The following WSCD2 variants were observed in gnomAD, a reference collection of about 807,000 sequenced individuals.
WSCD2 encodes the protein WSC domain sialate O sulfotransferase 2, also known as sialate:O-sulfotransferase 2.
Under a neutral mutation model 55.7 loss-of-function variants are expected in WSCD2, and 28 were observed. The ratio of observed to expected loss-of-function variants is 0.50; its 90% CI spans 0.37 to 0.69. The LOEUF (loss-of-function observed/expected upper bound fraction) is 0.69. Ranked by LOEUF, WSCD2 falls within the 30% of genes least tolerant of loss-of-function variation. The pLI, the probability that WSCD2 is intolerant of heterozygous loss-of-function variation, is 0.00. For synonymous variants in WSCD2, 301 were observed against 301.9 expected, an observed-to-expected ratio of 1.00 and a Z score of 0.03; for missense variants, 616 against 762.1, an observed-to-expected ratio of 0.81 and a Z score of 2.26.
At chr12:108,245,299 A>G (rs1890008437) in intron 8 of WSCD2, among the ~76,000 whole-genome samples, 1 of 151,816 alleles carries the variant, frequency 6.6e-6, no homozygotes. Flanking sequence ...AAGAATTCCT[A>G]CTCTCTAGGC....
intron 1 of WSCD2, among the ~76,000 whole-genome samples, chr12:108,168,177 C>A (rs898205349): frequency 6.6e-6 from 1 of 152,132 alleles, no homozygotes; most frequent in Non-Finnish European, 1.5e-5. Flanking sequence ...GCCTGGAAGC[C>A]GTAGCTATTT....
chr12:108,152,608 C>T (rs1356664217), intron 1 of WSCD2, among the ~76,000 whole-genome samples: 1 of 152,156 alleles, frequency 6.6e-6, no homozygotes, highest in Non-Finnish European at 1.5e-5. Context: ...CAGGAATTAA[C>T]CGGGGCCATC....
chr12:108,176,868 A>T (rs1486629680), intron 1 of WSCD2, among the ~76,000 whole-genome samples: 4 of 151,148 alleles, frequency 2.6e-5, no homozygotes, highest in African/African-American at 7.3e-5. Context: ...GAATTTAAAA[A>T]CCTCCTGTCT....
chr12:108,201,321 A>C (rs1884641341), intron 2 of WSCD2, among the ~76,000 whole-genome samples: 2 of 152,016 alleles, frequency 1.3e-5, no homozygotes, highest in African/African-American at 2.4e-5. Flanking sequence ...CCATTTTCAC[A>C]TGACCATCTC....
At chr12:108,177,033 T>C (rs1565936332) in intron 1 of WSCD2, among the ~76,000 whole-genome samples, 1 of 152,102 alleles carries the variant, frequency 6.6e-6, no homozygotes, top group African/African-American at 2.4e-5. Context: ...AGGCAGCTGA[T>C]GTCAGTAGTT....
At chr12:108,213,430 T>C (rs1341360387) in intron 4 of WSCD2, among the ~76,000 whole-genome samples, 2 of 152,156 alleles carry the variant, frequency 1.3e-5, no homozygotes, top group African/African-American at 4.8e-5. Context: ...GCAAAGGTCA[T>C]GTGTTGAATG....
At chr12:108,225,017 C>T (rs1255704707) in intron 5 of WSCD2, among the ~76,000 whole-genome samples, 157 bp downstream of exon 5, 4 of 152,156 alleles carry the variant, frequency 2.6e-5, no homozygotes, top group African/African-American at 7.2e-5. Flanking sequence ...GACCATTTCA[C>T]GTGGATCTAA....
chr12:108,241,862 G>C (rs998058349), intron 8 of WSCD2, among the ~76,000 whole-genome samples: 1 of 152,196 alleles, frequency 6.6e-6, no homozygotes, highest in Non-Finnish European at 1.5e-5. Flanking sequence ...GCAGTATTTT[G>C]TATATTAATT....
intron 4 of WSCD2, among the ~76,000 whole-genome samples, chr12:108,219,773 A>C (rs1215280675): frequency 1.3e-5 from 2 of 152,236 alleles, no homozygotes; most frequent in Non-Finnish European, 2.9e-5. Flanking sequence ...GGACAACCCC[A>C]AAGGGGCCTC....
At position 108,224,868 on chromosome 12, in the gene WSCD2, C is replaced by T. The variant is rs1887905605; in HGVS notation, c.804+8C>T. 7 of 1,611,912 alleles carry T rather than the reference C, an allele frequency of 4.3e-6. No individual in the cohort carries two copies. Among genetic ancestry groups the T allele is most frequent in the Non-Finnish European group, 5.9e-6 (7 of 1,179,720 alleles). ...GACTTCTGCACTGAGAAGGTGAGCA[C>T]AAGGTGGGGCCCATGGAACTCAGGG... On this transcript the variant is annotated splice_region_variant and intron_variant, in intron 5 of 8. Coordinates refer to ENST00000547525, the MANE Select transcript of WSCD2 (RefSeq NM_014653.4).
chr12:108,196,460 T>A (rs1037402763), intron 2 of WSCD2: 1 of 522,432 alleles, frequency 1.9e-6, no homozygotes, highest in African/African-American at 1.9e-5. Context: ...GAACTCCACA[T>A]CTATCAGAGG....
At chr12:108,234,901 T>C (rs1315727173) in intron 7 of WSCD2, among the ~76,000 whole-genome samples, 4 of 152,186 alleles carry the variant, frequency 2.6e-5, no homozygotes, top group South Asian at 2.1e-4. Context: ...TAAGAAAGAT[T>C]CTGAGGTTCT....
chr12:108,242,419 T>C (rs1565998561), intron 8 of WSCD2, among the ~76,000 whole-genome samples: 1 of 152,162 alleles, frequency 6.6e-6, no homozygotes, highest in Non-Finnish European at 1.5e-5. Context: ...GATATCCATA[T>C]GTGCAAATGG....
chr12:108,248,012 A>G lies in WSCD2; in HGVS notation c.1367A>G (p.Asn456Ser), dbSNP rs773906293. The part of the protein sequence containing the change: ...KGKEWPEFVR[N>S]YAPWWATHTL... Reference sequence around the variant, plus strand: ...GCAGAGTGGCCAGAGTTCGTGAGGAACTATGCCCCGTGGTGGGCCACTCAC... The same window carrying G: ...GCAGAGTGGCCAGAGTTCGTGAGGAGCTATGCCCCGTGGTGGGCCACTCAC... Residue 456 changes from asparagine (N) to serine (S), a missense_variant, in exon 9 of 9, where the codon AAC becomes AGC. Transcript: ENST00000547525. This position sits in a 1 kb window ranked among gnomAD's most constrained non-coding sequence, Gnocchi z 4.3. 1.9e-6 allele frequency: 3 copies of G among 1,613,872 alleles called. No homozygotes were observed. The highest frequency in any genetic ancestry group is 2.2e-5 in the East Asian group (1 of 44,860).
At chr12:108,239,609 G>A (rs1426965311) in intron 7 of WSCD2, among the ~76,000 whole-genome samples, 1 of 152,168 alleles carries the variant, frequency 6.6e-6, no homozygotes, top group Non-Finnish European at 1.5e-5. Context: ...GAAGTCACAT[G>A]GCCATGCCCA....
intron 1 of WSCD2, among the ~76,000 whole-genome samples, chr12:108,164,160 T>TTTTTTTTTTTTTTTTTTTTG (rs1412057706): frequency 6.8e-6 from 1 of 146,078 alleles, no homozygotes; most frequent in Admixed American, 6.9e-5. Flanking sequence ...TTTTTTTTTT[T>TTTTTTTTTTTTTTTTTTTTG]TTCAGAGAGG....
chr12:108,182,164 C>T (rs1881859356), intron 1 of WSCD2, among the ~76,000 whole-genome samples: 1 of 152,230 alleles, frequency 6.6e-6, no homozygotes, highest in African/African-American at 2.4e-5. Flanking sequence ...CAAGAGGTAA[C>T]ATCTTTCTGT....
chr12:108,152,824 C>G (rs115992901), intron 1 of WSCD2, among the ~76,000 whole-genome samples: 8,183 of 152,286 alleles, frequency 0.054, 263 homozygotes, highest in Non-Finnish European at 0.075. Flanking sequence ...TTTGGCTGGG[C>G]ATGATGGCTC....
At chr12:108,131,168 G>A (rs1875469938) in intron 1 of WSCD2, among the ~76,000 whole-genome samples, 1 of 152,194 alleles carries the variant, frequency 6.6e-6, no homozygotes, top group Non-Finnish European at 1.5e-5. Flanking sequence ...GGTGCTTGAT[G>A]TCCTGGAAAA....
Sources: allele counts gnomAD v4.1 joint callset (sites outside exome capture counted in the v4.1 genomes callset), GRCh38; gene constraint gnomAD v4.1.1; non-coding constraint Gnocchi (gnomAD v3.1); transcripts MANE v1.5; gene names NCBI Gene and HGNC (gene_info 2026-07-23, HGNC 2026-07-21).